Variants in EPG5 observed in about 807,000 individuals in gnomAD.
EPG5 encodes the protein ectopic P-granules 5 autophagy tethering factor, also known as ectopic P granules protein 5 homolog.
A neutral mutation model predicts 302.7 loss-of-function variants in EPG5; 159 were observed. The ratio of observed to expected loss-of-function variants is 0.53; its 90% CI spans 0.46 to 0.60. The LOEUF (loss-of-function observed/expected upper bound fraction) is 0.60, where lower values mean the gene tolerates loss of function less well. EPG5 is among the 20% of genes least tolerant of loss of function. The probability of loss-of-function intolerance (pLI) is 0.00; values close to 1 mark genes in which losing one functional copy is unlikely to be tolerated. For missense variants in EPG5, 2,896 were observed against 3,092.4 expected (o/e 0.94, Z 1.51); for synonymous variants, 1,158 against 1,136.8 (o/e 1.02, Z -0.37).
chr18:45,836,514 G>A, the EPG5 span, among the ~76,000 whole-genome samples: 1 of 152,142 alleles, frequency 6.6e-6, no homozygotes, highest in Non-Finnish European at 1.5e-5. Context: ...AGCACACATA[G>A]GCAACCACAC....
intron 43 of EPG5, chr18:45,855,347 C>T (rs979605450): frequency 2.2e-6 from 1 of 453,702 alleles, no homozygotes; most frequent in Non-Finnish European, 4.0e-6. Flanking sequence ...TTTCGTTTGG[C>T]CTTACTTTTC....
At chr18:45,883,854 A>G (rs1055858304) in intron 30 of EPG5, among the ~76,000 whole-genome samples, 77 of 149,784 alleles carry the variant, frequency 5.1e-4, no homozygotes, top group African/African-American at 1.8e-3. Context: ...AAGTAAACTC[A>G]TTACCTTGGT....
chr18:45,880,167 C>A lies in EPG5; in HGVS notation c.5575G>T (p.Gly1859Cys), dbSNP rs778548949. The change falls in exon 32 of 44, where the codon GGC becomes TGC. Residue 1859 changes from glycine (G) to cysteine (C), a missense_variant. Coordinates refer to ENST00000282041, the MANE Select transcript of EPG5 (RefSeq NM_020964.3). ...ECWKATLRAL[G>C]CCAPSCQQGA... is the part of the protein sequence containing the mutation. The stretch of plus-strand genomic sequence containing the variant: ...TGCTGGCAGCTGGGGGCGCAGCAGC[C>A]CAGGGCTCTCAGAGTGGCCTTCCAA... 6.2e-7 allele frequency: 1 copy of A among 1,611,524 alleles called. No individual in the cohort carries two copies. Among genetic ancestry groups the A allele is most frequent in the Non-Finnish European group, 8.5e-7 (1 of 1,178,700 alleles).
At chr18:45,887,718 T>C (rs1215421288) in intron 29 of EPG5, 33 bp downstream of exon 29, 3 of 1,473,328 alleles carry the variant, frequency 2.0e-6, no homozygotes, top group Non-Finnish European at 2.7e-6. Flanking sequence ...AGACTCATTA[T>C]CTGATCAAGG....
chr18:45,952,614 GA>G lies in EPG5; in HGVS notation c.1037del (p.Phe346SerfsTer9). On this transcript the variant is annotated frameshift_variant, in exon 3 of 44. Coordinates refer to ENST00000282041, the MANE Select transcript of EPG5 (RefSeq NM_020964.3). LOFTEE classifies it high-confidence loss of function. ...CTACTCTTTGGTAGCGATGATAGCT[GA>G]AAACTTTCACTTGATCTGCACAGAT... ...QGICADQVKVFSYHRYQRVEM... is the reference protein window; with the variant it reads ...QGICADQVKVXSYHRYQRVEM... The G allele has an allele frequency of 6.2e-7, 1 of 1,614,116 alleles. No individual in the cohort carries two copies. Among genetic ancestry groups the G allele is most frequent in the Non-Finnish European group, 8.5e-7 (1 of 1,180,020 alleles).
chr18:45,873,195 T>TAGTATA (rs1404219125), intron 35 of EPG5, among the ~76,000 whole-genome samples: 1 of 152,186 alleles, frequency 6.6e-6, no homozygotes, highest in Non-Finnish European at 1.5e-5. Context: ...AAGAGAGCCT[T>TAGTATA]GGGGTGCTTT....
Position 45,944,070 on chromosome 18 carries a change from A to C in EPG5, c.1727T>G (p.Val576Gly). The C allele has an allele frequency of 6.2e-7, 1 of 1,614,162 alleles. No homozygotes were observed. The highest frequency in any genetic ancestry group is 8.5e-7 in the Non-Finnish European group (1 of 1,179,978). The part of the protein sequence containing the change: ...SWILLNEDDL[V>G]TILAQFPFHE... ...AAAGGGGAACTGTGCTAAAATGGTA[A>C]CCAAATCATCTTCATTAAGGAGAAT... is the stretch of plus-strand genomic sequence containing the variant. Residue 576 changes from valine (V) to glycine (G), a missense_variant, in exon 8 of 44, where the codon GTT becomes GGT. Around this residue, in one of 5 missense-constraint regions of EPG5, gnomAD observed 1,390 missense variants for 1,430.0 expected, o/e 0.97. Transcript: ENST00000282041.
At chr18:45,919,158 G>A (rs909960462) in intron 16 of EPG5, among the ~76,000 whole-genome samples, 3 of 152,160 alleles carry the variant, frequency 2.0e-5, no homozygotes, top group African/African-American at 7.2e-5. Context: ...TACAATGTCT[G>A]TAATATTATA....
chr18:45,909,634 C>T (rs1176857408), intron 23 of EPG5, among the ~76,000 whole-genome samples: 1 of 152,180 alleles, frequency 6.6e-6, no homozygotes, highest in Admixed American at 6.5e-5. Context: ...AAACCTACTT[C>T]AGAGTTCTTA....
At position 45,951,201 on chromosome 18, in the gene EPG5, A is replaced by T; in HGVS notation, c.1290T>A (p.Cys430Ter). The change falls in exon 4 of 44, where the codon TGT becomes TGA. Residue 430 changes from cysteine to a stop codon, truncating the protein, a stop_gained. Transcript: ENST00000282041. LOFTEE classifies it high-confidence loss of function. ...KQTESIPSDL[C>*]QLKECISVLF... ...AGACACTAATGCATTCCTTTAGTTGACACAGATCAGAGGGAATGCTTTCTG... is the reference window on the plus strand; with the variant it reads ...AGACACTAATGCATTCCTTTAGTTGTCACAGATCAGAGGGAATGCTTTCTG... 6.3e-7 allele frequency: 1 copy of T among 1,591,150 alleles called. No homozygotes were observed. Among genetic ancestry groups the T allele is most frequent in the South Asian group, 1.2e-5 (1 of 85,242 alleles).
At position 45,880,106 on chromosome 18, in the gene EPG5, C is replaced by T. The variant is rs1213600316; in HGVS notation, c.5636G>A (p.Ser1879Asn). 3.7e-6 allele frequency: 6 copies of T among 1,608,972 alleles called. No individual in the cohort carries two copies. Among genetic ancestry groups the T allele is most frequent in the Non-Finnish European group, 5.1e-6 (6 of 1,176,642 alleles). The change falls in exon 32 of 44, where the codon AGC becomes AAC. Residue 1879 changes from serine (S) to asparagine (N), a missense_variant. Coordinates refer to ENST00000282041, the MANE Select transcript of EPG5 (RefSeq NM_020964.3). Reference protein sequence around the residue: ...AASTEGAVLPSSSDALLSDKQ... With the variant: ...AASTEGAVLPNSSDALLSDKQ... ...GTCTGACAAGAGAGCATCAGAAGAG[C>T]TGGGAAGCACGGCGCCCTCGGTGGA...
intron 1 of EPG5, among the ~76,000 whole-genome samples, chr18:45,956,237 C>A (rs2143808480): frequency 6.6e-6 from 1 of 152,130 alleles, no homozygotes; most frequent in South Asian, 2.1e-4. Context: ...AGACAAAAAC[C>A]CAAACTAAGG....
At position 45,916,108 on chromosome 18, in the gene EPG5, T is replaced by C; in HGVS notation, c.3483A>G (p.Arg1161=). The change falls in exon 19 of 44, where the codon CGA becomes CGG. Residue 1161 remains arginine (R), a synonymous_variant. Transcript: ENST00000282041. ...CCATGAGGAAGAGGATAGGTTGTTCTCGGTACCAGAGATGCTGGCTTATGA... is the reference window on the plus strand; with the variant it reads ...CCATGAGGAAGAGGATAGGTTGTTCCCGGTACCAGAGATGCTGGCTTATGA... The part of the protein sequence containing the change: ...QALISQHLWY[R]EQPILFLMDH... 6.2e-7 allele frequency: 1 copy of C among 1,614,156 alleles called. No individual in the cohort carries two copies. Among genetic ancestry groups the C allele is most frequent in the South Asian group, 1.1e-5 (1 of 91,082 alleles).
intron 9 of EPG5, among the ~76,000 whole-genome samples, chr18:45,942,368 C>T (rs553659115): frequency 1.3e-5 from 2 of 152,056 alleles, no homozygotes; most frequent in East Asian, 1.9e-4. Context: ...TTTGGGAAGC[C>T]GAGGCAGATG....
intron 27 of EPG5, 187 bp from the exon 28 acceptor site, chr18:45,890,127 C>T: frequency 2.3e-6 from 1 of 439,992 alleles, no homozygotes; most frequent in Non-Finnish European, 4.0e-6. Flanking sequence ...TTGTAGGATA[C>T]TATTTCACTT....
At chr18:45,869,222 T>A (rs541787055) in intron 36 of EPG5, among the ~76,000 whole-genome samples, 1 of 152,306 alleles carries the variant, frequency 6.6e-6, no homozygotes, top group African/African-American at 2.4e-5. Context: ...TCTAGTCTAT[T>A]TATAAAATCA....
chr18:45,838,765 G>A, the EPG5 span: 1 of 1,576,614 alleles, frequency 6.3e-7, no homozygotes, highest in Non-Finnish European at 8.6e-7. Flanking sequence ...TCCGGCTCAC[G>A]CCTTCCGCGC....
chr18:45,945,128 G>T (rs550442803), intron 7 of EPG5, among the ~76,000 whole-genome samples: 1 of 151,990 alleles, frequency 6.6e-6, no homozygotes, highest in South Asian at 2.1e-4. Context: ...TTTCAACAAG[G>T]GACTAAGGCA....
chr18:45,858,474 T>G, intron 41 of EPG5, 92 bp downstream of exon 41: 1 of 929,406 alleles, frequency 1.1e-6, no homozygotes, highest in African/African-American at 1.6e-5. Context: ...ATGCACCTCT[T>G]GGTTCTGTGT....
Sources: allele counts gnomAD v4.1 joint callset (sites outside exome capture counted in the v4.1 genomes callset), GRCh38; gene constraint gnomAD v4.1.1; regional missense constraint gnomAD v4.1.1; transcripts MANE v1.5; gene names NCBI Gene and HGNC (gene_info 2026-07-23, HGNC 2026-07-21).